The following WWC2 variants were observed in gnomAD, a reference collection of about 807,000 sequenced individuals.
WWC2 encodes the protein WW and C2 domain containing 2, also known as protein WWC2.
Under a neutral mutation model 138.5 loss-of-function variants are expected in WWC2, and 101 were observed. That is an observed-to-expected ratio of 0.73 (90% CI 0.62 to 0.86). The LOEUF (loss-of-function observed/expected upper bound fraction) is 0.86, where lower values mean the gene tolerates loss of function less well. WWC2 is among the 40% of genes least tolerant of loss of function. WWC2 has a pLI of 0.00. For synonymous variants in WWC2, 558 were observed against 538.4 expected, an observed-to-expected ratio of 1.04 and a Z score of -0.50; for missense variants, 1,420 against 1,419.4, an observed-to-expected ratio of 1.00 and a Z score of -0.01.
chr4:183,197,365 A>G (rs1349462121), intron 2 of WWC2, among the ~76,000 whole-genome samples: 4 of 152,236 alleles, frequency 2.6e-5, no homozygotes, highest in African/African-American at 9.6e-5. Context: ...AAATGGTATT[A>G]TCTTCTCAAA....
intron 1 of WWC2, among the ~76,000 whole-genome samples, chr4:183,149,866 A>G (rs1488911951): frequency 6.6e-6 from 1 of 152,182 alleles, no homozygotes; most frequent in Non-Finnish European, 1.5e-5. Context: ...TTGCAAAACA[A>G]TGATCTCATT....
intron 21 of WWC2, among the ~76,000 whole-genome samples, chr4:183,311,583 T>G (rs1739243355): frequency 7.0e-6 from 1 of 143,750 alleles, no homozygotes; most frequent in Non-Finnish European, 1.6e-5. Context: ...TGCAGGTTTT[T>G]TTTTTTTTTT....
chr4:183,114,776 T>C (rs1051647318), intron 1 of WWC2, among the ~76,000 whole-genome samples: 1 of 152,120 alleles, frequency 6.6e-6, no homozygotes, highest in African/African-American at 2.4e-5. Context: ...AATTATTTCA[T>C]CACCCAGGTA....
intron 9 of WWC2, among the ~76,000 whole-genome samples, chr4:183,258,143 C>T (rs182735753): frequency 5.6e-4 from 85 of 152,252 alleles, no homozygotes; most frequent in Admixed American, 1.3e-3. Context: ...AACTTCCTTC[C>T]GAAGTGTTTC....
In WWC2 at chr4:183,149,361, G is replaced by A. The variant is rs187459006; in HGVS notation, c.132-44238G>A. On this transcript the variant is annotated intron_variant, in intron 1 of 22. Coordinates refer to ENST00000403733, the MANE Select transcript of WWC2 (RefSeq NM_024949.6). ...TCTTTGGCCGGGCGCGGTGGCTCAC[G>A]CCTGTAATCCCAGCACTTTGGGAGG... Among the ~76,000 whole-genome samples the A allele has an allele frequency of 2.4e-4, 36 of 152,216 alleles. 1 individual carries two copies. In the East Asian group the frequency reaches 4.4e-3, roughly 19 times the overall value.
intron 8 of WWC2, 41 bp downstream of exon 8, chr4:183,250,034 T>C (rs10020261): frequency 0.52 from 813,049 of 1,557,378 alleles, 217,413 homozygotes; most frequent in South Asian, 0.61. Flanking sequence ...CTCAAACATT[T>C]TCTTTTCCAG....
intron 1 of WWC2, among the ~76,000 whole-genome samples, chr4:183,117,457 G>A (rs1323434839): frequency 6.6e-6 from 1 of 151,930 alleles, no homozygotes; most frequent in Non-Finnish European, 1.5e-5. Flanking sequence ...CTGACCTCAG[G>A]TGATCTGCCC....
At chr4:183,155,222 G>GAGAGTGAGTT (rs1554067869) in intron 1 of WWC2, among the ~76,000 whole-genome samples, 10 of 2,404 alleles carry the variant, frequency 4.2e-3, no homozygotes, top group African/African-American at 4.7e-3. Context: ...GAGAGAGAGA[G>GAGAGTGAGTT]AGTTAGTTGA....
chr4:183,117,467 C>T (rs1371804784), intron 1 of WWC2, among the ~76,000 whole-genome samples: 8 of 151,878 alleles, frequency 5.3e-5, no homozygotes, highest in Non-Finnish European at 7.4e-5. Context: ...GTGATCTGCC[C>T]GCCTCAGCCT....
chr4:183,157,961 T>C lies in WWC2; in HGVS notation c.132-35638T>C, dbSNP rs1257363931. 2.0e-5 allele frequency among the ~76,000 whole-genome samples: 3 copies of C among 152,154 alleles called. No homozygotes were observed. The South Asian group carries it at 6.2e-4, about 32-fold the overall frequency. The stretch of plus-strand genomic sequence containing the variant: ...GACTGCCTCCTAGAGTCCCAAGGTG[T>C]ATTTTTAAGTTCCTTTTCTGTAGTA... On this transcript the variant is annotated intron_variant, in intron 1 of 22. Transcript: ENST00000403733.
chr4:183,299,435 C>A (rs554765518), intron 21 of WWC2, among the ~76,000 whole-genome samples: 1 of 152,260 alleles, frequency 6.6e-6, no homozygotes, highest in African/African-American at 2.4e-5. Context: ...GTGCATTTAT[C>A]CTGCTTTCAA....
chr4:183,279,390 G>A (rs1737987174), intron 16 of WWC2, among the ~76,000 whole-genome samples: 1 of 151,604 alleles, frequency 6.6e-6, no homozygotes, highest in African/African-American at 2.4e-5. Flanking sequence ...GTATTTTATT[G>A]AGGATTTTTG....
rs1181107899 is a variant in WWC2, at chr4:183,320,284, A to G, written c.*4555A>G. ...TTCGGTTGCTGTGAAAAGAAGTGTG[A>G]CACTTGTGTTATAACTTATGAAACT... On this transcript the variant is annotated 3_prime_UTR_variant, in exon 23 of 23. Transcript: ENST00000403733. The G allele has an allele frequency of 7.2e-7, 1 of 1,394,354 alleles. No individual in the cohort carries two copies. Among genetic ancestry groups the G allele is most frequent in the Non-Finnish European group, 9.9e-7 (1 of 1,011,998 alleles). 86.4% of individuals were successfully genotyped at this position (1,394,354 alleles called of 1,614,324 possible). A position where few individuals can be genotyped will look rare whatever the true frequency, so the allele number is the denominator to read the frequency against.
chr4:183,253,776 G>T lies in WWC2; in HGVS notation c.973G>T (p.Glu325Ter). 6.2e-7 allele frequency: 1 copy of T among 1,608,676 alleles called. No individual in the cohort carries two copies. Among genetic ancestry groups the T allele is most frequent in the South Asian group, 1.1e-5 (1 of 90,176 alleles). ...TTTTAGTATGGCCAACTTAAAAATT[G>T]AACTGTCAAAATTGGACAGTGAGGC... ...AKRSMANLKI[E>*]LSKLDSEAWP... Residue 325 changes from glutamate to a stop codon, truncating the protein, a stop_gained, in exon 9 of 23, where the codon GAA becomes TAA. Transcript: ENST00000403733. LOFTEE classifies it high-confidence loss of function.
intron 1 of WWC2, among the ~76,000 whole-genome samples, chr4:183,120,584 A>G (rs1465747019): frequency 1.3e-5 from 2 of 152,202 alleles, no homozygotes; most frequent in Admixed American, 6.5e-5. Context: ...AATTCCCTTT[A>G]TAGAGAAGAA....
intron 21 of WWC2, among the ~76,000 whole-genome samples, chr4:183,308,243 A>G (rs1739087015): frequency 6.6e-6 from 1 of 152,188 alleles, no homozygotes; most frequent in Non-Finnish European, 1.5e-5. Context: ...TAAATGGAAA[A>G]ATATTCTATG....
chr4:183,279,619 G>T (rs1737999631), intron 16 of WWC2, among the ~76,000 whole-genome samples: 1 of 151,968 alleles, frequency 6.6e-6, no homozygotes, highest in Non-Finnish European at 1.5e-5. Flanking sequence ...ACTCTTTTTG[G>T]TTGGTAAGCT....
intron 1 of WWC2, among the ~76,000 whole-genome samples, chr4:183,189,306 G>A (rs1055570354): frequency 1.3e-5 from 2 of 151,730 alleles, no homozygotes; most frequent in Non-Finnish European, 2.9e-5. Context: ...GCGTGGTGGC[G>A]GGCGCCTGCA....
At position 183,227,113 on chromosome 4, in the gene WWC2, C is replaced by CCCA. The variant is rs139546437; in HGVS notation, c.523-13056_523-13054dup. Among the ~76,000 whole-genome samples the CCCA allele has an allele frequency of 8.5e-3, 1,285 of 151,686 alleles. 37 individuals are homozygous for CCCA. The highest frequency in any genetic ancestry group is 0.029 in the African/African-American group (1,213 of 41,314). ...CCAGCCCAACCACCCTAGCATACCT[C>CCCA]CCACCACCACCACCACTACTTGTTG... On this transcript the variant is annotated intron_variant, in intron 4 of 22. Transcript: ENST00000403733.
Sources: gnomAD v4.1 joint callset for allele counts (sites outside exome capture counted in the v4.1 genomes callset) on GRCh38, gnomAD v4.1.1 for gene constraint, MANE v1.5 for transcripts, NCBI Gene and HGNC (gene_info 2026-07-23, HGNC 2026-07-21) for gene names.